Variants in BRWD1 observed in about 807,000 individuals in gnomAD.
The protein encoded by BRWD1 is bromodomain and WD repeat-containing protein 1.
BRWD1 carries 82 observed loss-of-function variants against 251.2 expected under a neutral mutation model. That is an observed-to-expected ratio of 0.33 (90% CI 0.27 to 0.39). The LOEUF (loss-of-function observed/expected upper bound fraction) is 0.39. Among genes scored for constraint, BRWD1 ranks in the 10% least tolerant of loss-of-function variants. The pLI is 1.00. For missense variants in BRWD1, 2,233 were observed against 2,711.6 expected (o/e 0.82, Z 3.92); for synonymous variants, 918 against 902.8 (o/e 1.02, Z -0.30).
chr21:39,191,706 G>A lies in BRWD1; in HGVS notation c.*4553C>T. The A allele has an allele frequency of 1.0e-6, 1 of 985,158 alleles. No individual in the cohort carries two copies. Among genetic ancestry groups the A allele is most frequent in the South Asian group, 4.7e-5 (1 of 21,276 alleles). 61.0% of individuals were successfully genotyped at this position (985,158 alleles called of 1,614,324 possible). A position where few individuals can be genotyped will look rare whatever the true frequency, so the allele number is the denominator to read the frequency against. Reference sequence around the variant, plus strand: ...GATCAAAAAAGGTAATTTTTAAAATGATTTACCTTGTAAAACAAAGGGGTA... The same window carrying A: ...GATCAAAAAAGGTAATTTTTAAAATAATTTACCTTGTAAAACAAAGGGGTA... On this transcript the variant is annotated 3_prime_UTR_variant, in exon 41 of 41. Coordinates refer to ENST00000342449, the MANE Select transcript of BRWD1 (RefSeq NM_033656.4).
Position 39,190,151 on chromosome 21 carries a change from C to G in BRWD1, c.*6108G>C, listed in dbSNP as rs1202285438. The G allele has an allele frequency of 1.9e-5, 19 of 984,864 alleles. No individual in the cohort carries two copies. Among genetic ancestry groups the G allele is most frequent in the Non-Finnish European group, 2.3e-5 (19 of 829,504 alleles). 61.0% of individuals were successfully genotyped at this position (984,864 alleles called of 1,614,324 possible). On this transcript the variant is annotated 3_prime_UTR_variant, in exon 41 of 41. Coordinates refer to ENST00000342449, the MANE Select transcript of BRWD1 (RefSeq NM_033656.4). ...GATGGTATATGTGGTGAATAGAAACCTGGATACAAACATAACAGTTCTGAC... is the reference window on the plus strand; with the variant it reads ...GATGGTATATGTGGTGAATAGAAACGTGGATACAAACATAACAGTTCTGAC...
In BRWD1 at chr21:39,304,957, A is replaced by ATTTTT. The variant is rs36090972; in HGVS notation, c.199-6380_199-6376dup. On this transcript the variant is annotated intron_variant, in intron 4 of 40. Transcript: ENST00000342449. ...AACAAATCCACAGTCATATTTGGAG[A>ATTTTT]TTTTTTTTTTTTTTTTTTTTGAGAT... Among the ~76,000 whole-genome samples the ATTTTT allele has an allele frequency of 1.4e-3, 165 of 121,142 alleles. 1 individual carries two copies. Among genetic ancestry groups the ATTTTT allele is most frequent in the South Asian group, 3.0e-3 (11 of 3,696 alleles). 79.5% of individuals were successfully genotyped at this position (121,142 alleles called of 152,430 possible).
At chr21:39,310,176 T>A (rs182673082) in intron 4 of BRWD1, among the ~76,000 whole-genome samples, 1 of 152,174 alleles carries the variant, frequency 6.6e-6, no homozygotes. Flanking sequence ...TATGTATACC[T>A]CAAACAGAAA....
intron 11 of BRWD1, among the ~76,000 whole-genome samples, chr21:39,276,464 T>G (rs1431532032): frequency 6.6e-6 from 1 of 152,208 alleles, no homozygotes; most frequent in Non-Finnish European, 1.5e-5. Flanking sequence ...GCTTCTAAAC[T>G]TAAAGCAGTA....
intron 40 of BRWD1, 67 bp downstream of exon 40, chr21:39,198,696 C>T (rs1343863278): frequency 2.9e-6 from 4 of 1,401,068 alleles, no homozygotes; most frequent in South Asian, 2.9e-5. Context: ...GGGGAAAAAA[C>T]CAATGTGTGT....
intron 19 of BRWD1, among the ~76,000 whole-genome samples, chr21:39,255,249 A>T (rs1380249222): frequency 6.6e-6 from 1 of 151,976 alleles, no homozygotes; most frequent in Non-Finnish European, 1.5e-5. Context: ...TGTCTCTACT[A>T]AAAATATAAA....
At chr21:39,249,192 AACCT>A (rs1161560196) in intron 20 of BRWD1, among the ~76,000 whole-genome samples, 4 of 152,190 alleles carry the variant, frequency 2.6e-5, no homozygotes, top group Non-Finnish European at 5.9e-5. Flanking sequence ...CAGACATCAG[AACCT>A]ACCTGAGGGC....
intron 12 of BRWD1, 123 bp downstream of exon 12, chr21:39,276,050 A>G: frequency 5.1e-6 from 4 of 784,152 alleles, no homozygotes; most frequent in Non-Finnish European, 6.9e-6. Context: ...AAATAAATAA[A>G]TAAATAATCA....
In BRWD1 at chr21:39,188,339, A is replaced by C; in HGVS notation, c.*7920T>G. On this transcript the variant is annotated 3_prime_UTR_variant, in exon 41 of 41. Transcript: ENST00000342449. The stretch of plus-strand genomic sequence containing the variant: ...CCCTGCCTGAAGTTTCCAGACATTT[A>C]GCATTCAAAAGGTAAGGCTGTAGAT... The C allele has an allele frequency of 4.1e-6, 4 of 985,396 alleles. No homozygotes were observed. Among genetic ancestry groups the C allele is most frequent in the Non-Finnish European group, 4.8e-6 (4 of 829,920 alleles). The allele number at this position is 985,396 out of a possible 1,614,324, so 61.0% of individuals were successfully genotyped here.
intron 8 of BRWD1, among the ~76,000 whole-genome samples, chr21:39,292,122 TGGG>T (rs2035828574): frequency 3.7e-3 from 8 of 2,184 alleles, no homozygotes; most frequent in Non-Finnish European, 7.5e-3. Context: ...TTGTGGGGGG[TGGG>T]TGGGGGTGGG....
At chr21:39,287,608 A>C (rs1022092670) in intron 8 of BRWD1, among the ~76,000 whole-genome samples, 6 of 151,970 alleles carry the variant, frequency 3.9e-5, no homozygotes, top group African/African-American at 1.4e-4. Flanking sequence ...CCCTTTTTCA[A>C]ATCTGATAAT....
In BRWD1 at chr21:39,193,426, GA is replaced by G. The variant is rs947446664; in HGVS notation, c.*2832del. Reference sequence around the variant, plus strand: ...ATACCTTTTTAAATAAGGAGGACACGAAAAAAGAAAGCTTTGTTAACACTCA... The same window carrying G: ...ATACCTTTTTAAATAAGGAGGACACGAAAAAGAAAGCTTTGTTAACACTCA... On this transcript the variant is annotated 3_prime_UTR_variant, in exon 41 of 41. Coordinates refer to ENST00000342449, the MANE Select transcript of BRWD1 (RefSeq NM_033656.4). 1.4e-5 allele frequency: 14 copies of G among 984,422 alleles called. No individual in the cohort carries two copies. In the African/African-American group the frequency reaches 2.1e-4, roughly 15 times the overall value. The allele number at this position is 984,422 out of a possible 1,614,324, so 61.0% of individuals were successfully genotyped here.
At chr21:39,264,789 C>T (rs2034868535) in intron 16 of BRWD1, 102 bp downstream of exon 16, 1 of 1,522,500 alleles carries the variant, frequency 6.6e-7, no homozygotes, top group Admixed American at 2.0e-5. Context: ...GAAATCAAAT[C>T]ACTCAGCTAA....
At chr21:39,201,476 C>T (rs1414353031) in intron 38 of BRWD1, among the ~76,000 whole-genome samples, 1 of 152,226 alleles carries the variant, frequency 6.6e-6, no homozygotes, top group Non-Finnish European at 1.5e-5. Flanking sequence ...TGTACTCTAT[C>T]TGTTTGATCC....
Position 39,187,424 on chromosome 21 carries a change from A to G in BRWD1, c.*8835T>C. The G allele has an allele frequency of 6.5e-7, 1 of 1,543,418 alleles. No individual in the cohort carries two copies. ...CTGTCTCTAGGAACAAATTCTGAAA[A>G]ATGAGTGAAAGTTCATGTAAATGCA... is the stretch of plus-strand genomic sequence containing the variant. On this transcript the variant is annotated 3_prime_UTR_variant, in exon 41 of 41. Coordinates refer to ENST00000342449, the MANE Select transcript of BRWD1 (RefSeq NM_033656.4).
Position 39,191,077 on chromosome 21 carries a change from T to G in BRWD1, c.*5182A>C. The G allele has an allele frequency of 3.0e-6, 3 of 985,364 alleles. No homozygotes were observed. Among genetic ancestry groups the G allele is most frequent in the Non-Finnish European group, 3.6e-6 (3 of 829,866 alleles). 61.0% of individuals were successfully genotyped at this position (985,364 alleles called of 1,614,324 possible). A position where few individuals can be genotyped will look rare whatever the true frequency, so the allele number is the denominator to read the frequency against. Reference sequence around the variant, plus strand: ...GGGACTTTATACTTAACTGCTTAATTTGCTTTTTAGAAGCAATACCTTAAG... The same window carrying G: ...GGGACTTTATACTTAACTGCTTAATGTGCTTTTTAGAAGCAATACCTTAAG... On this transcript the variant is annotated 3_prime_UTR_variant, in exon 41 of 41. Transcript: ENST00000342449.
intron 21 of BRWD1, 38 bp downstream of exon 21, chr21:39,247,663 T>G (rs202032053): frequency 4.7e-5 from 73 of 1,564,644 alleles, no homozygotes; most frequent in Non-Finnish European, 2.6e-6. Context: ...CAAATTCATT[T>G]AAGATTATCT....
chr21:39,271,696 C>CAAAAA lies in BRWD1; in HGVS notation c.1245-1268_1245-1264dup, dbSNP rs34900726. Among the ~76,000 whole-genome samples, 4 of 59,844 alleles carry CAAAAA rather than the reference C, an allele frequency of 6.7e-5. 1 individual carries two copies. The South Asian group carries it at 3.0e-3, about 45-fold the overall frequency. 39.3% of individuals were successfully genotyped at this position (59,844 alleles called of 152,430 possible). A position where few individuals can be genotyped will look rare whatever the true frequency, so the allele number is the denominator to read the frequency against. On this transcript the variant is annotated intron_variant, in intron 13 of 40. Transcript: ENST00000342449. ...TGGGCAACAGAGCAAGACTCCGTCTCAAAAAAAAAAAAAAAAAAAAAAAGA... is the reference window on the plus strand; with the variant it reads ...TGGGCAACAGAGCAAGACTCCGTCTCAAAAAAAAAAAAAAAAAAAAAAAAAAAAGA...
intron 19 of BRWD1, among the ~76,000 whole-genome samples, chr21:39,251,972 A>T (rs528001303): frequency 6.6e-6 from 1 of 152,292 alleles, no homozygotes; most frequent in South Asian, 2.1e-4. Flanking sequence ...TGTATATAAA[A>T]GAATTTTTAT....
Sources: gnomAD v4.1 joint callset for allele counts (sites outside exome capture counted in the v4.1 genomes callset) on GRCh38, gnomAD v4.1.1 for gene constraint, MANE v1.5 for transcripts, NCBI Gene and HGNC (gene_info 2026-07-23, HGNC 2026-07-21) for gene names.